Variants in SLC35F6 observed in about 807,000 individuals in gnomAD.
SLC35F6 encodes the protein ANT2-binding protein.
In SLC35F6, 26 loss-of-function variants were observed where a neutral mutation model predicts 29.4. That is an observed-to-expected ratio of 0.89 (90% CI 0.65 to 1.23). The LOEUF is 1.23. SLC35F6 is among the 50% of genes most tolerant of loss of function. The pLI, the probability that SLC35F6 is intolerant of heterozygous loss-of-function variation, is 0.00. For synonymous variants in SLC35F6, 174 were observed against 206.6 expected, an observed-to-expected ratio of 0.84 and a Z score of 1.35; for missense variants, 428 against 487.8, an observed-to-expected ratio of 0.88 and a Z score of 1.15.
chr2:26,776,575 G>A, intron 5 of SLC35F6, 93 bp downstream of exon 5: 7 of 1,143,354 alleles, frequency 6.1e-6, no homozygotes, highest in Non-Finnish European at 8.9e-6. Flanking sequence ...ACTTGTGGGG[G>A]GTGAACTTCC....
At chr2:26,765,165 AAAGG>A (rs1209743994) in intron 1 of SLC35F6, among the ~76,000 whole-genome samples, 1 of 152,196 alleles carries the variant, frequency 6.6e-6, no homozygotes, top group Non-Finnish European at 1.5e-5. Flanking sequence ...GTGAGAAGAG[AAAGG>A]AAGGGACAAC....
intron 2 of SLC35F6, among the ~76,000 whole-genome samples, 197 bp downstream of exon 2, chr2:26,774,520 A>G (rs533592971): frequency 1.3e-5 from 2 of 152,370 alleles, no homozygotes; most frequent in South Asian, 4.1e-4. Flanking sequence ...ATCCTCTGCG[A>G]AAGTCCTGGC....
rs1488907949 is a variant in SLC35F6 at position 26,764,378 on chromosome 2, T to C, written c.29T>C (p.Leu10Pro). ...GCCTGGACCAAGTACCAGCTGTTCC[T>C]GGCCGGGCTCATGCTTGTTACCGGC... MAWTKYQLF[L>P]AGLMLVTGSI... is the part of the protein sequence containing the mutation. The change falls in exon 1 of 6, where the codon CTG becomes CCG. Residue 10 changes from leucine (L) to proline (P), a missense_variant. Physicochemically the swap from Leu to Pro is moderately conservative, Grantham distance 98. Transcript: ENST00000344420. The C allele has an allele frequency of 4.5e-6, 7 of 1,551,044 alleles. No individual in the cohort carries two copies. The highest frequency in any genetic ancestry group is 6.1e-6 in the Non-Finnish European group (7 of 1,146,862).
At position 26,765,028 on chromosome 2, in the gene SLC35F6, G is replaced by C. The variant is rs1312276389; in HGVS notation, c.77+602G>C. ...GATTTTCTCTCATAATCAGAAAAGT[G>C]CTTTTGAGCTGGGGAATGACATGTT... On this transcript the variant is annotated intron_variant, in intron 1 of 5. Coordinates refer to ENST00000344420, the MANE Select transcript of SLC35F6 (RefSeq NM_017877.4). 2.0e-6 allele frequency: 2 copies of C among 983,048 alleles called. 1 individual carries two copies. The highest frequency in any genetic ancestry group is 2.4e-6 in the Non-Finnish European group (2 of 827,862). 60.9% of individuals were successfully genotyped at this position (983,048 alleles called of 1,614,324 possible). A position where few individuals can be genotyped will look rare whatever the true frequency, so the allele number is the denominator to read the frequency against.
chr2:26,770,051 G>A (rs1664165694), intron 1 of SLC35F6, among the ~76,000 whole-genome samples: 4 of 152,138 alleles, frequency 2.6e-5, no homozygotes, highest in Admixed American at 2.6e-4. Flanking sequence ...CTAAAATGAG[G>A]ATCCTTGTTG....
At position 26,778,153 on chromosome 2, in the gene SLC35F6, T is replaced by C; in HGVS notation, c.758T>C (p.Phe253Ser). Residue 253 changes from phenylalanine (F) to serine (S), a missense_variant, in exon 6 of 6, where the codon TTC (phenylalanine) becomes TCC (serine). Physicochemically the swap from Phe to Ser is radical, Grantham distance 155. Coordinates refer to ENST00000344420, the MANE Select transcript of SLC35F6 (RefSeq NM_017877.4). Reference sequence around the variant, plus strand: ...ACACTGGAGGATGCATTGGACGCCTTCTGCCAGGTGGGCCAGCAGCCGCTC... The same window carrying C: ...ACACTGGAGGATGCATTGGACGCCTCCTGCCAGGTGGGCCAGCAGCCGCTC... The part of the protein sequence containing the change: ...RGTLEDALDA[F>S]CQVGQQPLIA... The C allele has an allele frequency of 1.2e-6, 2 of 1,614,208 alleles. No individual in the cohort carries two copies. Among genetic ancestry groups the C allele is most frequent in the Non-Finnish European group, 1.7e-6 (2 of 1,180,030 alleles).
chr2:26,768,615 C>A (rs1428690300), intron 1 of SLC35F6, among the ~76,000 whole-genome samples: 2 of 151,496 alleles, frequency 1.3e-5, no homozygotes. Flanking sequence ...TCTCGGCCTC[C>A]CAAAGTGCTG....
At chr2:26,767,639 A>T (rs828259) in intron 1 of SLC35F6, among the ~76,000 whole-genome samples, 3 of 151,882 alleles carry the variant, frequency 2.0e-5, no homozygotes, top group African/African-American at 7.3e-5. Flanking sequence ...ATTTCTGTCT[A>T]CGTGAGCCAG....
chr2:26,777,226 G>C (rs757049282), intron 5 of SLC35F6, among the ~76,000 whole-genome samples: 1 of 152,202 alleles, frequency 6.6e-6, no homozygotes, highest in Non-Finnish European at 1.5e-5. Context: ...GTGCAGTATA[G>C]GTTTGATGTT....
Position 26,778,539 on chromosome 2 carries a change from C to G in SLC35F6, c.*28C>G. The G allele has an allele frequency of 6.5e-7, 1 of 1,543,128 alleles. No individual in the cohort carries two copies. Among genetic ancestry groups the G allele is most frequent in the Non-Finnish European group, 8.7e-7 (1 of 1,148,440 alleles). On this transcript the variant is annotated 3_prime_UTR_variant, in exon 6 of 6. Transcript: ENST00000344420. ...TTCCCTGGAGGCTTCTACTGCCACC[C>G]GGGTGCTCCTTCTCCCTGAGACTGA...
At chr2:26,776,581 C>G in intron 5 of SLC35F6, 99 bp downstream of exon 5, 1 of 1,035,594 alleles carries the variant, frequency 9.7e-7, no homozygotes, top group Non-Finnish European at 1.4e-6. Flanking sequence ...GGGGGGTGAA[C>G]TTCCTGCCCC....
In SLC35F6 at chr2:26,778,549, T is replaced by A. The variant is rs778613105; in HGVS notation, c.*38T>A. The stretch of plus-strand genomic sequence containing the variant: ...GCTTCTACTGCCACCCGGGTGCTCC[T>A]TCTCCCTGAGACTGAGGCCACACAG... On this transcript the variant is annotated 3_prime_UTR_variant, in exon 6 of 6. Coordinates refer to ENST00000344420, the MANE Select transcript of SLC35F6 (RefSeq NM_017877.4). 16 of 1,525,578 alleles carry A rather than the reference T, an allele frequency of 1.0e-5. No individual in the cohort carries two copies. Among genetic ancestry groups the A allele is most frequent in the Non-Finnish European group, 1.4e-5 (16 of 1,140,270 alleles). 94.5% of individuals were successfully genotyped at this position (1,525,578 alleles called of 1,614,324 possible).
chr2:26,767,950 AG>A (rs1455942434), intron 1 of SLC35F6, among the ~76,000 whole-genome samples: 2 of 152,224 alleles, frequency 1.3e-5, no homozygotes, highest in Non-Finnish European at 2.9e-5. Flanking sequence ...GGGCCCTCCC[AG>A]CCAGGCAGGG....
intron 2 of SLC35F6, 97 bp from the exon 3 acceptor site, chr2:26,774,947 G>T: frequency 5.8e-6 from 8 of 1,382,172 alleles, no homozygotes; most frequent in Non-Finnish European, 1.9e-6. Flanking sequence ...TTCTGGGTAA[G>T]CTCTTGTTTG....
At chr2:26,764,933 GT>G (rs778438823) in intron 1 of SLC35F6, 130 of 985,324 alleles carry the variant, frequency 1.3e-4, no homozygotes, top group Non-Finnish European at 1.5e-4. Context: ...GTCTGAGACT[GT>G]AAGTCAAGGA....
At position 26,776,388 on chromosome 2, in the gene SLC35F6, C is replaced by T; in HGVS notation, c.552C>T (p.Ile184=). 1 of 1,614,192 alleles carries T rather than the reference C, an allele frequency of 6.2e-7. No individual in the cohort carries two copies. Among genetic ancestry groups the T allele is most frequent in the East Asian group, 2.2e-5 (1 of 44,864 alleles). Residue 184 remains isoleucine, a synonymous_variant, in exon 5 of 6, where the codon ATC becomes ATT. Transcript: ENST00000344420. The stretch of plus-strand genomic sequence containing the variant: ...TCCCCACAGGGGACCTGTTGATCAT[C>T]ATGGCCCAGATCATCGTTGCCATCC... The part of the protein sequence containing the change: ...SEVITGDLLI[I]MAQIIVAIQM...
At position 26,775,486 on chromosome 2, in the gene SLC35F6, C is replaced by T. The variant is rs768698894; in HGVS notation, c.345C>T (p.Ser115=). The change falls in exon 4 of 6, where the codon TCC becomes TCT. Residue 115 remains serine (S), a synonymous_variant. Coordinates refer to ENST00000344420, the MANE Select transcript of SLC35F6 (RefSeq NM_017877.4). This position sits in a 1 kb window ranked among gnomAD's most constrained non-coding sequence, Gnocchi z 4.6. ...MYVALNMTSA[S]SFQMLRGAVI... ...TAGCTCTGAACATGACCAGTGCCTC[C>T]AGCTTCCAGATGCTGCGGGGTGCAG... 6.2e-7 allele frequency: 1 copy of T among 1,612,940 alleles called. No individual in the cohort carries two copies. Among genetic ancestry groups the T allele is most frequent in the Admixed American group, 1.7e-5 (1 of 59,992 alleles).
At chr2:26,768,757 C>T (rs898412744) in intron 1 of SLC35F6, among the ~76,000 whole-genome samples, 1 of 151,792 alleles carries the variant, frequency 6.6e-6, no homozygotes, top group African/African-American at 2.4e-5. Flanking sequence ...ATCCTCCCAC[C>T]TCAGCCTCCC....
chr2:26,778,167 C>T lies in SLC35F6; in HGVS notation c.772C>T (p.Gln258Ter). ...ATTGGACGCCTTCTGCCAGGTGGGC[C>T]AGCAGCCGCTCATTGCCGTGGCACT... ...DALDAFCQVG[Q>*]QPLIAVALLG... Residue 258 changes from glutamine (Q) to a stop codon, truncating the protein, a stop_gained, in exon 6 of 6, where the codon CAG (glutamine) becomes TAG (stop). Coordinates refer to ENST00000344420, the MANE Select transcript of SLC35F6 (RefSeq NM_017877.4). LOFTEE classifies it high-confidence loss of function. 1 of 1,614,182 alleles carries T rather than the reference C, an allele frequency of 6.2e-7. No individual in the cohort carries two copies. The highest frequency in any genetic ancestry group is 1.3e-5 in the African/African-American group (1 of 75,048).
Sources: allele counts gnomAD v4.1 joint callset (sites outside exome capture counted in the v4.1 genomes callset), GRCh38; gene constraint gnomAD v4.1.1; non-coding constraint Gnocchi (gnomAD v3.1); transcripts MANE v1.5; gene names NCBI Gene and HGNC (gene_info 2026-07-23, HGNC 2026-07-21).